The following STARD13 variants were observed in gnomAD, a reference collection of about 807,000 sequenced individuals.
STARD13 encodes stAR-related lipid transfer protein 13.
Under a neutral mutation model 106.4 loss-of-function variants are expected in STARD13, and 62 were observed. The observed-to-expected ratio is 0.58, with a 90% confidence interval of 0.48 to 0.72. The LOEUF is 0.72. Among genes scored for constraint, STARD13 ranks in the 30% least tolerant of loss-of-function variants. The probability of loss-of-function intolerance (pLI) is 0.00; values close to 1 mark genes in which losing one functional copy is unlikely to be tolerated. For missense variants in STARD13, 1,387 were observed against 1,424.0 expected (o/e 0.97, Z 0.42); for synonymous variants, 565 against 553.0 (o/e 1.02, Z -0.31).
chr13:33,445,493 C>T, the STARD13 span, among the ~76,000 whole-genome samples: 4 of 152,034 alleles, frequency 2.6e-5, no homozygotes, highest in African/African-American at 4.8e-5. Flanking sequence ...GAGTTTGGCC[C>T]GAGTAATTTA....
chr13:33,319,739 G>T, intron 1 of STARD13, among the ~76,000 whole-genome samples: 1 of 152,102 alleles, frequency 6.6e-6, no homozygotes, highest in Admixed American at 6.5e-5. Flanking sequence ...AAAATAAGGG[G>T]TTGGACTCAT....
At chr13:33,421,712 C>A in the STARD13 span, among the ~76,000 whole-genome samples, 2 of 152,182 alleles carry the variant, frequency 1.3e-5, no homozygotes, top group Non-Finnish European at 2.9e-5. Flanking sequence ...TACCAGCAAA[C>A]CGAATCCAGC....
At chr13:33,512,625 G>A in the STARD13 span, among the ~76,000 whole-genome samples, 3 of 152,060 alleles carry the variant, frequency 2.0e-5, no homozygotes, top group Middle Eastern at 3.4e-3. Flanking sequence ...CCGCCATCAC[G>A]CCTGGCTAAT....
At chr13:33,486,085 C>T in the STARD13 span, among the ~76,000 whole-genome samples, 1 of 152,120 alleles carries the variant, frequency 6.6e-6, no homozygotes, top group African/African-American at 2.4e-5. Flanking sequence ...TTGAGATCAG[C>T]CCTGACCTAG....
At chr13:33,369,086 A>G in the STARD13 span, among the ~76,000 whole-genome samples, 52 of 152,098 alleles carry the variant, frequency 3.4e-4, no homozygotes, top group Non-Finnish European at 2.9e-5. Context: ...ATTTTTCCCT[A>G]TATGTCCCAT....
intron 10 of STARD13, 119 bp downstream of exon 10, chr13:33,111,659 T>C (rs889660508): frequency 1.5e-6 from 1 of 668,426 alleles, no homozygotes; most frequent in South Asian, 1.8e-5. Flanking sequence ...CTATAACATA[T>C]ACTATTGTCA....
In STARD13 at chr13:33,105,633, A is replaced by C; in HGVS notation, c.3302T>G (p.Phe1101Cys). ...AAEVARIRNS[F>C]QPLIAEGPET... Reference sequence around the variant, plus strand: ...TGGGCCCTCAGCAATGAGGGGCTGGAAAGAGTTTCTAATCCTGGCAACTTC... The same window carrying C: ...TGGGCCCTCAGCAATGAGGGGCTGGCAAGAGTTTCTAATCCTGGCAACTTC... Residue 1101 changes from phenylalanine (F) to cysteine (C), a missense_variant, in exon 14 of 14, where the codon TTC becomes TGC. Phe to Cys is a radical substitution (Grantham distance 205). Transcript: ENST00000336934. The C allele has an allele frequency of 6.2e-7, 1 of 1,614,102 alleles. No homozygotes were observed. Among genetic ancestry groups the C allele is most frequent in the South Asian group, 1.1e-5 (1 of 91,088 alleles).
chr13:33,128,975 C>T lies in STARD13; in HGVS notation c.1702G>A (p.Asp568Asn), dbSNP rs775192078. 1 of 1,614,010 alleles carries T rather than the reference C, an allele frequency of 6.2e-7. No individual in the cohort carries two copies. Among genetic ancestry groups the T allele is most frequent in the Non-Finnish European group, 8.5e-7 (1 of 1,179,960 alleles). Residue 568 changes from aspartate (D) to asparagine (N), a missense_variant, in exon 5 of 14, where the codon GAC (aspartate) becomes AAC (asparagine). Coordinates refer to ENST00000336934, the MANE Select transcript of STARD13 (RefSeq NM_178006.4). The stretch of plus-strand genomic sequence containing the variant: ...GCCCCTACACCAGAATCCCTCCTGT[C>T]TCTGACCCCAGGAGGCTCAGATTCA... Reference protein sequence around the residue: ...LNESEPPGVRDRRDSGVGASL... With the variant: ...LNESEPPGVRNRRDSGVGASL...
chr13:33,112,342 G>C (rs565172664), intron 9 of STARD13, among the ~76,000 whole-genome samples: 1 of 152,138 alleles, frequency 6.6e-6, no homozygotes, highest in South Asian at 2.1e-4. Flanking sequence ...CGTGAATTAG[G>C]GTGTCTCACA....
the STARD13 span, among the ~76,000 whole-genome samples, chr13:33,376,250 G>A: frequency 6.6e-6 from 1 of 152,128 alleles, no homozygotes; most frequent in Admixed American, 6.5e-5. Flanking sequence ...CATTCATTCA[G>A]TATTTTGCAA....
intron 1 of STARD13, chr13:33,205,947 T>A: frequency 1.0e-6 from 1 of 985,416 alleles, no homozygotes; most frequent in Non-Finnish European, 1.2e-6. Context: ...TCACCGAGTG[T>A]TTTCTCTTCG....
At chr13:33,399,696 GT>G in the STARD13 span, among the ~76,000 whole-genome samples, 1 of 66,354 alleles carries the variant, frequency 1.5e-5, no homozygotes, top group Non-Finnish European at 2.4e-5. Context: ...GCAAGACTCT[GT>G]CTCAAAAAAA....
chr13:33,330,781 C>T (rs528806549), intron 1 of STARD13, among the ~76,000 whole-genome samples: 82 of 152,150 alleles, frequency 5.4e-4, no homozygotes, highest in Non-Finnish European at 5.4e-4. Flanking sequence ...GTAAGGGCAC[C>T]GAGGCTTGGA....
the STARD13 span, among the ~76,000 whole-genome samples, chr13:33,410,961 A>G: frequency 1.8e-4 from 28 of 152,324 alleles, no homozygotes; most frequent in East Asian, 3.7e-3. Context: ...TGGCTTTCCA[A>G]TTTCAACTCA....
chr13:33,178,260 C>T (rs1342002320), intron 1 of STARD13, among the ~76,000 whole-genome samples: 1 of 152,184 alleles, frequency 6.6e-6, no homozygotes, highest in African/African-American at 2.4e-5. Context: ...CCTTCTCAAA[C>T]ATTCTAGGTG....
intron 1 of STARD13, among the ~76,000 whole-genome samples, chr13:33,231,546 T>C (rs952292024): frequency 1.3e-5 from 2 of 152,132 alleles, no homozygotes; most frequent in African/African-American, 4.8e-5. Flanking sequence ...GGGGGAGTTG[T>C]GGTTTGGGCC....
chr13:33,247,071 C>T (rs985102501), intron 1 of STARD13, among the ~76,000 whole-genome samples: 13 of 152,076 alleles, frequency 8.5e-5, no homozygotes, highest in Non-Finnish European at 1.6e-4. Flanking sequence ...GTGACACATG[C>T]CTGTAGTCCT....
downstream of STARD13, among the ~76,000 whole-genome samples, chr13:33,346,797 T>A (rs1469902573): frequency 6.6e-6 from 1 of 151,308 alleles, no homozygotes; most frequent in East Asian, 1.9e-4. Context: ...GACAGGCTAA[T>A]TTTTTTGTAT....
intron 1 of STARD13, among the ~76,000 whole-genome samples, chr13:33,194,200 G>A (rs1222780609): frequency 6.6e-6 from 1 of 152,088 alleles, no homozygotes; most frequent in Non-Finnish European, 1.5e-5. Context: ...CACGGAGAAG[G>A]CAATGAACAC....
Sources: gnomAD v4.1 joint callset for allele counts (sites outside exome capture counted in the v4.1 genomes callset) on GRCh38, gnomAD v4.1.1 for gene constraint, MANE v1.5 for transcripts, NCBI Gene and HGNC (gene_info 2026-07-23, HGNC 2026-07-21) for gene names.